The following CAPN10 variants were observed in gnomAD, a reference collection of about 807,000 sequenced individuals.
CAPN10 encodes calpain 10.
Under a neutral mutation model 78.4 loss-of-function variants are expected in CAPN10, and 71 were observed. The observed-to-expected ratio is 0.91, with a 90% CI of 0.75 to 1.10. CAPN10 has a LOEUF of 1.10. CAPN10 is among the 50% of genes least tolerant of loss of function. The pLI is 0.00. For synonymous variants in CAPN10, 437 were observed against 407.2 expected, an observed-to-expected ratio of 1.07 and a Z score of -0.88; for missense variants, 849 against 924.6, an observed-to-expected ratio of 0.92 and a Z score of 1.06.
rs1295237264 is a variant in CAPN10, at chr2:240,596,969, G to C, written c.1743+27G>C. On this transcript the variant is annotated intron_variant, in intron 9 of 11. Coordinates refer to ENST00000391984, the MANE Select transcript of CAPN10 (RefSeq NM_023083.4). ...CAAGCTCCTTGCCCCAGGGAGGGAG[G>C]GGGAGCAGAAGGGGCCCTCAGAGAA... The C allele has an allele frequency of 3.1e-6, 5 of 1,613,020 alleles. No homozygotes were observed. In the African/African-American group the frequency reaches 6.7e-5, roughly 22 times the overall value.
intron 1 of CAPN10, 125 bp from the exon 2 acceptor site, chr2:240,589,218 T>G: frequency 2.3e-6 from 3 of 1,279,922 alleles, no homozygotes; most frequent in Non-Finnish European, 2.3e-6. Flanking sequence ...TCCTGTCCCT[T>G]TTTGGGTAAC....
intron 4 of CAPN10, chr2:240,592,576 A>G: frequency 2.2e-6 from 1 of 461,566 alleles, no homozygotes; most frequent in Non-Finnish European, 4.5e-6. Context: ...TGGGAGGCTG[A>G]GGTGGGAGTA....
intron 2 of CAPN10, 56 bp from the exon 3 acceptor site, chr2:240,590,759 A>G (rs910182646): frequency 3.9e-6 from 6 of 1,544,926 alleles, no homozygotes; most frequent in Non-Finnish European, 5.3e-6. Flanking sequence ...ACACTGGAGT[A>G]GCGCCGGGTG....
chr2:240,598,561 G>A, intron 11 of CAPN10, 90 bp from the exon 12 acceptor site: 2 of 1,481,194 alleles, frequency 1.4e-6, no homozygotes, highest in Non-Finnish European at 1.9e-6. Context: ...GGGGAGCTGA[G>A]GCTGCGTCCC....
At chr2:240,589,287 T>C in intron 1 of CAPN10, 56 bp from the exon 2 acceptor site, 1 of 1,612,098 alleles carries the variant, frequency 6.2e-7, no homozygotes, top group Non-Finnish European at 8.5e-7. Context: ...GGGTTCTTAG[T>C]TTGAAGGGTT....
At chr2:240,596,047 A>G (rs1366187969) in intron 7 of CAPN10, 4 of 1,510,834 alleles carry the variant, frequency 2.6e-6, no homozygotes, top group East Asian at 2.7e-5. Context: ...AGCAGCCCCC[A>G]GGTTGCCTGG....
At chr2:240,594,415 TG>T in intron 5 of CAPN10, 127 bp from the exon 6 acceptor site, 1 of 934,130 alleles carries the variant, frequency 1.1e-6, no homozygotes, top group Non-Finnish European at 1.6e-6. Flanking sequence ...GCTGCAGAGC[TG>T]GGGCACGGGG....
chr2:240,588,505 C>T (rs548977454), intron 1 of CAPN10, among the ~76,000 whole-genome samples: 4 of 151,930 alleles, frequency 2.6e-5, no homozygotes, highest in African/African-American at 7.2e-5. Flanking sequence ...GAGTGGGGAC[C>T]ACCTCAGGGG....
Position 240,596,893 on chromosome 2 carries a change from G to C in CAPN10, c.1694G>C (p.Cys565Ser). The C allele has an allele frequency of 6.2e-7, 1 of 1,613,604 alleles. No homozygotes were observed. The highest frequency in any genetic ancestry group is 8.5e-7 in the Non-Finnish European group (1 of 1,180,028). The change falls in exon 9 of 12, where the codon TGC becomes TCC. Residue 565 changes from cysteine to serine, a missense_variant. Coordinates refer to ENST00000391984, the MANE Select transcript of CAPN10 (RefSeq NM_023083.4). ...GTCCGCATCACTCTGCATCAGCACT[G>C]CCGGCCCAGTGACACCGAGTTCCAC... The part of the protein sequence containing the change: ...RCVRITLHQH[C>S]RPSDTEFHPI...
rs188120626 is a variant in CAPN10 at position 240,590,543 on chromosome 2, A to G, written c.274-272A>G. The G allele has an allele frequency of 6.3e-4, 240 of 383,196 alleles. 3 individuals carry two copies. Among genetic ancestry groups the G allele is most frequent in the East Asian group, 2.7e-3 (58 of 21,782 alleles). The allele number at this position is 383,196 out of a possible 1,614,324, so 23.7% of individuals were successfully genotyped here. ...TCATGTGGGTGATGCAGCCCTGTGC[A>G]GGCGCCGACATCCAGGTGTGCCGAA... On this transcript the variant is annotated intron_variant, in intron 2 of 11. Transcript: ENST00000391984.
intron 2 of CAPN10, chr2:240,590,532 C>G (rs2093094716): frequency 2.7e-6 from 1 of 370,936 alleles, no homozygotes; most frequent in Non-Finnish European, 5.0e-6. Flanking sequence ...GTGGGTGATG[C>G]AGCCCTGTGC....
rs1433401249 is a variant in CAPN10 at position 240,598,091 on chromosome 2, G to A, written c.1943+4G>A. The A allele has an allele frequency of 2.5e-6, 4 of 1,602,694 alleles. No homozygotes were observed. The East Asian group carries it at 6.7e-5, about 27-fold the overall frequency. ...CCATCGCAACCAGGATTGACAGGTG[G>A]GGCTCTGGGACTTGGGGGCGGCCAG... On this transcript the variant is annotated splice_donor_region_variant and intron_variant, in intron 10 of 11. Coordinates refer to ENST00000391984, the MANE Select transcript of CAPN10 (RefSeq NM_023083.4).
intron 9 of CAPN10, among the ~76,000 whole-genome samples, chr2:240,597,549 G>T (rs764810611): frequency 9.2e-5 from 14 of 152,174 alleles, no homozygotes; most frequent in African/African-American, 3.4e-4. Context: ...TTGGACCCTC[G>T]CTGTTTGCCC....
At chr2:240,592,724 G>T (rs1165773924) in intron 4 of CAPN10, 1 of 340,784 alleles carries the variant, frequency 2.9e-6, no homozygotes, top group South Asian at 2.3e-5. Context: ...CCATGAGCAC[G>T]CACGGTTTAC....
At position 240,597,878 on chromosome 2, in the gene CAPN10, C is replaced by A; in HGVS notation, c.1744-10C>A. 1 of 1,584,258 alleles carries A rather than the reference C, an allele frequency of 6.3e-7. No homozygotes were observed. The highest frequency in any genetic ancestry group is 8.6e-7 in the Non-Finnish European group (1 of 1,166,816). ...CTGGCCCCCTCAGTCTGAGCCTGCG[C>A]TTTCCTCAGGTCCCAGAGGGTGGAA... On this transcript the variant is annotated splice_polypyrimidine_tract_variant and intron_variant, in intron 9 of 11. Coordinates refer to ENST00000391984, the MANE Select transcript of CAPN10 (RefSeq NM_023083.4).
chr2:240,596,233 C>T (rs2093135667), intron 7 of CAPN10, 86 bp from the exon 8 acceptor site: 2 of 1,496,782 alleles, frequency 1.3e-6, no homozygotes, highest in South Asian at 1.4e-5. Context: ...ACTCCAGAGG[C>T]CCTTGTGCTT....
Position 240,596,350 on chromosome 2 carries a change from T to C in CAPN10, c.1310T>C (p.Val437Ala). Residue 437 changes from valine to alanine, a missense_variant, in exon 8 of 12, where the codon GTC (valine) becomes GCC (alanine). Val to Ala is a moderately conservative substitution (Grantham distance 64). Coordinates refer to ENST00000391984, the MANE Select transcript of CAPN10 (RefSeq NM_023083.4). ...VEKRRVNLPR[V>A]LSMPPVAGTA... ...AAGCGGCGGGTCAATCTGCCTAGGG[T>C]CCTGTCCATGCCCCCCGTGGCTGGC... 6.2e-7 allele frequency: 1 copy of C among 1,610,054 alleles called. No homozygotes were observed. The highest frequency in any genetic ancestry group is 1.1e-5 in the South Asian group (1 of 90,786).
intron 1 of CAPN10, among the ~76,000 whole-genome samples, chr2:240,588,361 A>C (rs1366684062): frequency 6.6e-6 from 1 of 152,064 alleles, no homozygotes; most frequent in Non-Finnish European, 1.5e-5. Context: ...GTAAAGAAGA[A>C]GGGGGCCTTG....
At chr2:240,588,235 G>A (rs116059078) in intron 1 of CAPN10, among the ~76,000 whole-genome samples, 293 of 152,232 alleles carry the variant, frequency 1.9e-3, no homozygotes, top group African/African-American at 6.8e-3. Context: ...AGGTGGATCT[G>A]TCCTGGAGGC....
Sources: allele counts gnomAD v4.1 joint callset (sites outside exome capture counted in the v4.1 genomes callset), GRCh38; gene constraint gnomAD v4.1.1; transcripts MANE v1.5; gene names NCBI Gene and HGNC (gene_info 2026-07-23, HGNC 2026-07-21).